The following TLE4 variants were observed in gnomAD, a reference collection of about 807,000 sequenced individuals.
TLE4 encodes transducin-like enhancer protein 4.
TLE4 carries 8 observed loss-of-function variants against 92.8 expected under a neutral mutation model. The observed-to-expected ratio is 0.09, with a 90% CI of 0.05 to 0.16. TLE4 has a LOEUF of 0.16. Among genes scored for constraint, TLE4 ranks in the 10% least tolerant of loss-of-function variants. The pLI is 1.00. For synonymous variants in TLE4, 371 were observed against 374.1 expected (o/e 0.99, Z 0.10); for missense variants, 675 against 997.6 (o/e 0.68, Z 4.36).
intron 4 of TLE4, among the ~76,000 whole-genome samples, chr9:79,591,464 G>C (rs1340956255): frequency 6.6e-6 from 1 of 152,144 alleles, no homozygotes; most frequent in African/African-American, 2.4e-5. Flanking sequence ...CTTGAATGCT[G>C]GTGGTAGTGC....
chr9:79,722,130 A>C (rs1428232185), intron 17 of TLE4, among the ~76,000 whole-genome samples: 2 of 152,136 alleles, frequency 1.3e-5, no homozygotes, highest in Non-Finnish European at 2.9e-5. Flanking sequence ...TTGCCACTGC[A>C]CTGCAGCCTG....
At chr9:79,582,092 G>A (rs2039829618) in intron 4 of TLE4, among the ~76,000 whole-genome samples, 1 of 152,098 alleles carries the variant, frequency 6.6e-6, no homozygotes, top group Non-Finnish European at 1.5e-5. Context: ...ACAGACAAGG[G>A]GCTGTTTGTT....
At chr9:79,573,343 C>A (rs773909581) in intron 1 of TLE4, 28 of 1,093,508 alleles carry the variant, frequency 2.6e-5, no homozygotes, top group Non-Finnish European at 2.5e-5. Context: ...TGGCGCGGGT[C>A]CCCCCGACGG....
At chr9:79,639,612 G>A (rs567230125) in intron 6 of TLE4, among the ~76,000 whole-genome samples, 1 of 152,072 alleles carries the variant, frequency 6.6e-6, no homozygotes, top group Non-Finnish European at 1.5e-5. Context: ...CTTTATATAG[G>A]TGTACCATTT....
At chr9:79,682,955 G>A (rs1448184141) in intron 8 of TLE4, among the ~76,000 whole-genome samples, 1 of 152,160 alleles carries the variant, frequency 6.6e-6, no homozygotes, top group African/African-American at 2.4e-5. Flanking sequence ...ATAGACAAAG[G>A]GATGAGTAAA....
intron 8 of TLE4, among the ~76,000 whole-genome samples, chr9:79,699,613 A>G (rs891758795): frequency 6.6e-6 from 1 of 152,162 alleles, no homozygotes; most frequent in East Asian, 1.9e-4. Context: ...TTTGAAGGCC[A>G]TAGCTGATGA....
chr9:79,584,612 A>G (rs1366026274), intron 4 of TLE4, among the ~76,000 whole-genome samples: 2 of 152,160 alleles, frequency 1.3e-5, no homozygotes, highest in African/African-American at 2.4e-5. Flanking sequence ...GGTGCGCAAT[A>G]AAATATTTGG....
At chr9:79,597,229 G>C (rs2044259724) in intron 4 of TLE4, among the ~76,000 whole-genome samples, 1 of 152,124 alleles carries the variant, frequency 6.6e-6, no homozygotes, top group Admixed American at 6.5e-5. Flanking sequence ...TCATACTAGA[G>C]GCTATGGTGG....
At chr9:79,588,599 C>G (rs1438413021) in intron 4 of TLE4, among the ~76,000 whole-genome samples, 1 of 152,098 alleles carries the variant, frequency 6.6e-6, no homozygotes, top group African/African-American at 2.4e-5. Context: ...ATTGGTTCAT[C>G]TTTTATCACA....
rs139115700 is a variant in TLE4, at chr9:79,636,923, A to G, written c.390+9475A>G. On this transcript the variant is annotated intron_variant, in intron 6 of 19. Transcript: ENST00000376552. ...TTTCCATAGATGTTTGTTAAATACT[A>G]TGCTCTGGGATATTTTCTCATTTGG... Among the ~76,000 whole-genome samples the G allele has an allele frequency of 2.2e-3, 329 of 152,326 alleles. 1 individual carries two copies. The highest frequency in any genetic ancestry group is 7.4e-3 in the African/African-American group (307 of 41,584).
intron 14 of TLE4, among the ~76,000 whole-genome samples, chr9:79,713,671 G>T (rs2073874713): frequency 6.6e-6 from 1 of 152,228 alleles, no homozygotes; most frequent in African/African-American, 2.4e-5. Context: ...TTAACTACAA[G>T]TACCATGTTT....
chr9:79,722,315 G>C, intron 17 of TLE4, 136 bp from the exon 18 acceptor site: 1 of 1,043,678 alleles, frequency 9.6e-7, no homozygotes, highest in Non-Finnish European at 1.3e-6. Flanking sequence ...ATTTGACTTT[G>C]GTTCTCCCCT....
Position 79,706,865 on chromosome 9 carries a change from G to A in TLE4, c.902G>A (p.Ser301Asn), listed in dbSNP as rs777405390. 6.2e-7 allele frequency: 1 copy of A among 1,614,182 alleles called. No homozygotes were observed. The highest frequency in any genetic ancestry group is 1.1e-5 in the South Asian group (1 of 91,088). Residue 301 changes from serine to asparagine, a missense_variant, in exon 11 of 20, where the codon AGT (serine) becomes AAT (asparagine). Ser to Asn is a conservative substitution (Grantham distance 46). Transcript: ENST00000376552. ...ISPASIASSS[S>N]TPSSKSKELS... ...CCAGCCTCTATTGCATCTTCCAGCA[G>A]TACTCCCTCCTCCAAATCCAAAGAA...
At position 79,721,828 on chromosome 9, in the gene TLE4, G is replaced by A. The variant is rs769135318; in HGVS notation, c.1926G>A (p.Thr642=). The part of the protein sequence containing the change: ...TKLWTGGLDN[T]VRSWDLREGR... ...TCTGGACAGGTGGTTTGGACAACACGGTCAGGTCCTGGGACCTGCGCGAGG... is the reference window on the plus strand; with the variant it reads ...TCTGGACAGGTGGTTTGGACAACACAGTCAGGTCCTGGGACCTGCGCGAGG... The change falls in exon 17 of 20, where the codon ACG becomes ACA. Residue 642 remains threonine (T), a synonymous_variant. Transcript: ENST00000376552. The A allele has an allele frequency of 5.0e-6, 8 of 1,614,144 alleles. No individual in the cohort carries two copies. Among genetic ancestry groups the A allele is most frequent in the Non-Finnish European group, 5.9e-6 (7 of 1,180,020 alleles).
chr9:79,698,361 C>A (rs749469541), intron 8 of TLE4, among the ~76,000 whole-genome samples: 1 of 152,038 alleles, frequency 6.6e-6, no homozygotes, highest in African/African-American at 2.4e-5. Flanking sequence ...GTTTCTCTTA[C>A]CAGTAGAGAA....
At chr9:79,701,411 TAAAATC>T (rs968632263) in intron 8 of TLE4, among the ~76,000 whole-genome samples, 6 of 152,198 alleles carry the variant, frequency 3.9e-5, no homozygotes, top group Non-Finnish European at 8.8e-5. Context: ...TAAATGAACA[TAAAATC>T]TAAATCTAAA....
At chr9:79,721,981 A>T (rs1227806954) in intron 17 of TLE4, 93 bp downstream of exon 17, 1 of 1,505,064 alleles carries the variant, frequency 6.6e-7, no homozygotes, top group Non-Finnish European at 8.9e-7. Context: ...CCTGGCCAAC[A>T]TGGTGAAACC....
At chr9:79,595,531 C>T (rs1407590270) in intron 4 of TLE4, among the ~76,000 whole-genome samples, 1 of 152,084 alleles carries the variant, frequency 6.6e-6, no homozygotes, top group Admixed American at 6.5e-5. Context: ...AATACTTAAT[C>T]GGTCAAAAGT....
intron 1 of TLE4, chr9:79,573,368 C>T (rs764243849): frequency 2.6e-6 from 3 of 1,144,224 alleles, no homozygotes; most frequent in Non-Finnish European, 3.3e-6. Context: ...GTTTCGATTC[C>T]GGGTGAGGAG....
Sources: gnomAD v4.1 joint callset for allele counts (sites outside exome capture counted in the v4.1 genomes callset) on GRCh38, gnomAD v4.1.1 for gene constraint, MANE v1.5 for transcripts, NCBI Gene and HGNC (gene_info 2026-07-23, HGNC 2026-07-21) for gene names.